The following LEKR1 variants were observed in gnomAD, a reference collection of about 807,000 sequenced individuals.
LEKR1 encodes leucine, glutamate and lysine rich 1.
A neutral mutation model predicts 72.4 loss-of-function variants in LEKR1; 59 were observed. That is an observed-to-expected ratio of 0.82 (90% confidence interval 0.66 to 1.01). The LOEUF (loss-of-function observed/expected upper bound fraction) is 1.01. LEKR1 is among the 50% of genes least tolerant of loss of function. The probability of loss-of-function intolerance (pLI) is 0.00; values close to 1 mark genes in which losing one functional copy is unlikely to be tolerated. For missense variants in LEKR1, 728 were observed against 759.2 expected (o/e 0.96, Z 0.48); for synonymous variants, 257 against 263.2 (o/e 0.98, Z 0.23).
intron 4 of LEKR1, among the ~76,000 whole-genome samples, chr3:156,924,044 T>A (rs1452342624): frequency 6.6e-6 from 1 of 152,142 alleles, no homozygotes; most frequent in African/African-American, 2.4e-5. Context: ...ATTTAATTTT[T>A]TAACTGCCAA....
At chr3:156,902,576 A>C (rs921241644) in intron 3 of LEKR1, among the ~76,000 whole-genome samples, 47 of 152,188 alleles carry the variant, frequency 3.1e-4, no homozygotes, top group African/African-American at 1.1e-3. Context: ...AAGACTACTA[A>C]AATTTGATTT....
chr3:156,868,361 A>G (rs892848643), intron 3 of LEKR1, among the ~76,000 whole-genome samples: 3 of 151,966 alleles, frequency 2.0e-5, no homozygotes, highest in Non-Finnish European at 2.9e-5. Context: ...ATTTTTCTGT[A>G]TTGAGTTTTG....
chr3:156,929,508 G>A (rs17442045), intron 5 of LEKR1, among the ~76,000 whole-genome samples: 4,834 of 152,182 alleles, frequency 0.032, 116 homozygotes, highest in Non-Finnish European at 0.047. Context: ...CATTAAGTTC[G>A]TAGGCACACA....
intron 12 of LEKR1, among the ~76,000 whole-genome samples, chr3:157,032,082 A>AGAGAGAGGGAGAGAGAGT (rs1734658026): frequency 1.3e-5 from 2 of 149,060 alleles, no homozygotes; most frequent in African/African-American, 4.9e-5. Context: ...AGAGAGAGTG[A>AGAGAGAGGGAGAGAGAGT]GAGAGAGAGA....
chr3:157,045,217 T>C lies in LEKR1; in HGVS notation c.1669-123T>C, dbSNP rs1292699153. ...GTCTGTCCCATGAGGTAGAGTGTCA[T>C]AGAGACAAAGAATACAGACCTCTGA... is the stretch of plus-strand genomic sequence containing the variant. On this transcript the variant is annotated intron_variant, in intron 12 of 12. Coordinates refer to ENST00000356539, the MANE Select transcript of LEKR1 (RefSeq NM_001004316.3). The C allele has an allele frequency of 1.5e-5, 11 of 732,852 alleles. 1 individual carries two copies. In the Admixed American group the frequency reaches 2.3e-4, roughly 15 times the overall value. The allele number at this position is 732,852 out of a possible 1,614,324, so 45.4% of individuals were successfully genotyped here.
At chr3:156,868,131 C>T (rs1420592846) in intron 3 of LEKR1, among the ~76,000 whole-genome samples, 2 of 151,956 alleles carry the variant, frequency 1.3e-5, no homozygotes, top group Non-Finnish European at 2.9e-5. Flanking sequence ...AATATGCCTC[C>T]CGGCATTTCA....
In LEKR1 at chr3:157,028,176, A is replaced by G. The variant is rs1208311524; in HGVS notation, c.1442A>G (p.Lys481Arg). 2.5e-6 allele frequency: 4 copies of G among 1,611,176 alleles called. No individual in the cohort carries two copies. Among genetic ancestry groups the G allele is most frequent in the Non-Finnish European group, 3.4e-6 (4 of 1,178,422 alleles). ...ACCACTCTTAAAGAAAAACTTCACA[A>G]ATCCCATATTCGGTACACTGAAGAA... ...EVTTLKEKLHKSHIRYTEESN... is the reference protein window; with the variant it reads ...EVTTLKEKLHRSHIRYTEESN... The change falls in exon 12 of 13, where the codon AAA becomes AGA. Residue 481 changes from lysine (K) to arginine (R), a missense_variant. Transcript: ENST00000356539.
intron 7 of LEKR1, among the ~76,000 whole-genome samples, chr3:156,987,870 A>G (rs544524578): frequency 2.0e-4 from 30 of 152,314 alleles, no homozygotes; most frequent in African/African-American, 6.3e-4. Context: ...AAGCTGTGCA[A>G]TCATAACAAG....
intron 2 of LEKR1, among the ~76,000 whole-genome samples, chr3:156,838,664 G>A (rs1479296221): frequency 6.6e-6 from 1 of 152,174 alleles, no homozygotes; most frequent in Non-Finnish European, 1.5e-5. Flanking sequence ...CTGCAATTAG[G>A]CCCAAGCACT....
chr3:156,944,104 A>G lies in LEKR1; in HGVS notation c.745+1390A>G, dbSNP rs118021778. Reference sequence around the variant, plus strand: ...GAAGTTTTTTGTTTTGGTATAATCAATAATTATCTTTTATTGTTTCTGGGT... The same window carrying G: ...GAAGTTTTTTGTTTTGGTATAATCAGTAATTATCTTTTATTGTTTCTGGGT... On this transcript the variant is annotated intron_variant, in intron 6 of 12. Transcript: ENST00000356539. Among the ~76,000 whole-genome samples the G allele has an allele frequency of 1.1e-3, 171 of 151,618 alleles. 2 individuals carry two copies. The East Asian group carries it at 0.015, about 13-fold the overall frequency.
At chr3:156,906,118 T>C (rs1021778241) in intron 3 of LEKR1, among the ~76,000 whole-genome samples, 3 of 152,154 alleles carry the variant, frequency 2.0e-5, no homozygotes, top group Non-Finnish European at 4.4e-5. Flanking sequence ...TCCTCGATGA[T>C]GTGGCCGCTT....
chr3:156,844,415 A>G (rs1714311442), intron 2 of LEKR1, among the ~76,000 whole-genome samples: 1 of 152,134 alleles, frequency 6.6e-6, no homozygotes, highest in South Asian at 2.1e-4. Flanking sequence ...ACAGTGTCAT[A>G]ACCAGGATAT....
chr3:156,899,307 TAC>T (rs1167347656), intron 3 of LEKR1, among the ~76,000 whole-genome samples: 2 of 145,126 alleles, frequency 1.4e-5, no homozygotes, highest in Non-Finnish European at 3.0e-5. Context: ...CATATATACA[TAC>T]ACACATGTAT....
At chr3:157,001,390 T>G (rs1732000819) in intron 9 of LEKR1, among the ~76,000 whole-genome samples, 1 of 152,154 alleles carries the variant, frequency 6.6e-6, no homozygotes, top group Non-Finnish European at 1.5e-5. Flanking sequence ...TGATTGACAA[T>G]GTGAAGACAT....
At chr3:156,985,308 T>G (rs1175364284) in intron 7 of LEKR1, among the ~76,000 whole-genome samples, 4 of 152,054 alleles carry the variant, frequency 2.6e-5, no homozygotes, top group African/African-American at 7.2e-5. Flanking sequence ...CATCCCTGAG[T>G]AGATGATCTT....
chr3:156,888,155 AGAAG>A (rs1164505055), intron 3 of LEKR1: 1 of 595,300 alleles, frequency 1.7e-6, no homozygotes. Context: ...GAGGGCTCAA[AGAAG>A]GTAGCAGAGT....
intron 6 of LEKR1, among the ~76,000 whole-genome samples, chr3:156,956,517 G>A (rs543892794): frequency 2.0e-5 from 3 of 151,910 alleles, no homozygotes; most frequent in Middle Eastern, 6.8e-3. Context: ...TAACAATGGG[G>A]AAAAAGCAAA....
intron 3 of LEKR1, among the ~76,000 whole-genome samples, chr3:156,912,079 A>G (rs1723168023): frequency 6.6e-6 from 1 of 152,074 alleles, no homozygotes; most frequent in Non-Finnish European, 1.5e-5. Flanking sequence ...CCTGAAATGT[A>G]CCAATTTATA....
chr3:156,922,076 A>G (rs1219282078), intron 4 of LEKR1, among the ~76,000 whole-genome samples: 1 of 152,214 alleles, frequency 6.6e-6, no homozygotes, highest in Admixed American at 6.5e-5. Flanking sequence ...TTACATAAAA[A>G]TAGTACATAC....
Sources: gnomAD v4.1 joint callset for allele counts (sites outside exome capture counted in the v4.1 genomes callset) on GRCh38, gnomAD v4.1.1 for gene constraint, MANE v1.5 for transcripts, NCBI Gene and HGNC (gene_info 2026-07-23, HGNC 2026-07-21) for gene names.